ATAD3B: variants seen among roughly 807,000 people sequenced by gnomAD.
ATAD3B encodes ATPase family AAA domain containing 3B.
In ATAD3B, 59 loss-of-function variants were observed where a neutral mutation model predicts 70.2. The observed-to-expected ratio is 0.84, with a 90% CI of 0.68 to 1.04. The LOEUF (loss-of-function observed/expected upper bound fraction) is 1.04. ATAD3B is among the 50% of genes least tolerant of loss of function. The probability of loss-of-function intolerance (pLI) is 0.00; values close to 1 mark genes in which losing one functional copy is unlikely to be tolerated. For synonymous variants in ATAD3B, 423 were observed against 388.6 expected, an observed-to-expected ratio of 1.09 and a Z score of -1.04; for missense variants, 961 against 913.4, an observed-to-expected ratio of 1.05 and a Z score of -0.67.
intron 1 of ATAD3B, 116 bp downstream of exon 1, chr1:1,472,205 G>T (rs1168799037): frequency 2.8e-5 from 39 of 1,396,960 alleles, no homozygotes; most frequent in Non-Finnish European, 3.5e-5. Context: ...GGGCGAGACT[G>T]CGCCCCCGGA....
downstream of ATAD3B, among the ~76,000 whole-genome samples, chr1:1,500,314 A>G (rs1640916020): frequency 6.6e-6 from 1 of 150,728 alleles, no homozygotes; most frequent in South Asian, 2.1e-4. Flanking sequence ...GCACTTTGGG[A>G]GGCCGAGGCG....
chr1:1,480,456 T>A (rs1341128737), intron 4 of ATAD3B, among the ~76,000 whole-genome samples: 2 of 146,852 alleles, frequency 1.4e-5, no homozygotes, highest in African/African-American at 5.1e-5. Context: ...TGTTCCCTGG[T>A]CCTTAGGGAC....
intron 5 of ATAD3B, 138 bp downstream of exon 5, chr1:1,481,074 G>C (rs1639887774): frequency 6.8e-7 from 1 of 1,470,392 alleles, no homozygotes; most frequent in East Asian, 2.5e-5. Context: ...GGGGCTCTGC[G>C]GGGTGGGGCT....
intron 5 of ATAD3B, among the ~76,000 whole-genome samples, chr1:1,481,683 A>AG (rs941512294): frequency 3.5e-5 from 5 of 141,166 alleles, no homozygotes; most frequent in African/African-American, 8.0e-5. Flanking sequence ...TTTCTGTGTG[A>AG]GGGGGGCTTC....
chr1:1,498,544 T>C (rs1007741619), downstream of ATAD3B, among the ~76,000 whole-genome samples: 3 of 151,330 alleles, frequency 2.0e-5, no homozygotes, highest in Non-Finnish European at 4.4e-5. Flanking sequence ...TGGGTGGGGG[T>C]ACAGCTGGGG....
In ATAD3B at chr1:1,478,418, C is replaced by G. The variant is rs1570204545; in HGVS notation, c.283-226C>G. ...GTGGGGTTGGTGTCTGACCTCCCTC[C>G]CCGGGGGCCTTCGCAGGCTTCTCTG... On this transcript the variant is annotated intron_variant, in intron 2 of 15. Coordinates refer to ENST00000673477, the MANE Select transcript of ATAD3B (RefSeq NM_031921.6). The G allele has an allele frequency of 2.6e-6, 4 of 1,509,768 alleles. No homozygotes were observed. The East Asian group carries it at 9.9e-5, about 37-fold the overall frequency. 93.5% of individuals were successfully genotyped at this position (1,509,768 alleles called of 1,614,324 possible).
downstream of ATAD3B, among the ~76,000 whole-genome samples, chr1:1,500,801 A>G (rs1640928980): frequency 2.0e-5 from 3 of 149,304 alleles, no homozygotes; most frequent in South Asian, 6.4e-4. Context: ...AAAATACAAA[A>G]AAAAAATTAG....
At chr1:1,503,783 G>C in the ATAD3B span, 1 of 1,435,916 alleles carries the variant, frequency 7.0e-7, no homozygotes, top group Non-Finnish European at 9.5e-7. Flanking sequence ...GTGGGGTGCA[G>C]GGCCGAGCTT....
intron 7 of ATAD3B, 174 bp downstream of exon 7, chr1:1,482,788 G>A: frequency 3.7e-6 from 4 of 1,085,252 alleles, no homozygotes; most frequent in Non-Finnish European, 5.3e-6. Context: ...CTTGAGCTGG[G>A]AGAAAAAAAT....
rs1240251215 is a variant in ATAD3B, at chr1:1,479,106, C to G, written c.442C>G (p.Gln148Glu). ...GCGCTACGAGGACCAACTGAAGCAG[C>G]AGGTGAGCTCAGCCTCCCCTGCGAG... ...RQRYEDQLKQ[Q>E]QLLNEENLRK... The change falls in exon 4 of 16, where the codon CAG (glutamine) becomes GAG (glutamate). Residue 148 changes from glutamine to glutamate, a missense_variant and splice_region_variant. Physicochemically the swap from Gln to Glu is conservative, Grantham distance 29. This residue lies in a region of ATAD3B where 187 missense variants were observed against 244.3 expected (regional missense o/e 0.77). Coordinates refer to ENST00000673477, the MANE Select transcript of ATAD3B (RefSeq NM_031921.6). 9 of 1,134,394 alleles carry G rather than the reference C, an allele frequency of 7.9e-6. No homozygotes were observed. The South Asian group carries it at 1.4e-4, about 18-fold the overall frequency. The allele number at this position is 1,134,394 out of a possible 1,614,324, so 70.3% of individuals were successfully genotyped here.
chr1:1,498,895 C>G (rs562580013), downstream of ATAD3B, among the ~76,000 whole-genome samples: 1 of 151,650 alleles, frequency 6.6e-6, no homozygotes, highest in African/African-American at 2.4e-5. Context: ...GGAGCAATGG[C>G]GAGCGCCTGG....
In ATAD3B at chr1:1,482,548, G is replaced by A. The variant is rs190770076; in HGVS notation, c.684G>A (p.Thr228=). 7.1e-5 allele frequency: 115 copies of A among 1,613,346 alleles called. 2 individuals are homozygous for A. The highest frequency in any genetic ancestry group is 1.7e-4 in the Middle Eastern group (1 of 6,006). Residue 228 remains threonine (T), a synonymous_variant, in exon 7 of 16, where the codon ACG becomes ACA. Transcript: ENST00000673477. The part of the protein sequence containing the change: ...HRQTVLESIR[T]AGTLFGEGFR... ...CACACCACTGCTTTCCCCGCAGGAC[G>A]GCTGGCACCTTGTTTGGGGAAGGAT...
chr1:1,476,007 C>T (rs1156556981), intron 1 of ATAD3B, among the ~76,000 whole-genome samples: 1 of 148,692 alleles, frequency 6.7e-6, no homozygotes, highest in Non-Finnish European at 1.5e-5. Flanking sequence ...GACTGACACA[C>T]CCTCAGTCCC....
chr1:1,490,649 C>T lies in ATAD3B; in HGVS notation c.1592C>T (p.Ala531Val), dbSNP rs1243868546. The change falls in exon 15 of 16, where the codon GCT (alanine) becomes GTT (valine). Residue 531 changes from alanine (A) to valine (V), a missense_variant. Around this residue, in one of 4 missense-constraint regions of ATAD3B, gnomAD observed 417 missense variants for 335.0 expected, o/e 1.24. Coordinates refer to ENST00000673477, the MANE Select transcript of ATAD3B (RefSeq NM_031921.6). ...GAGGGCATGTCGGGCCGGGAGATCG[C>T]TCAGCTGGCCGTGTCCTGGCAGGTG... ...LTEGMSGREI[A>V]QLAVSWQATA... 2 of 1,598,472 alleles carry T rather than the reference C, an allele frequency of 1.3e-6. No homozygotes were observed. The highest frequency in any genetic ancestry group is 2.3e-5 in the East Asian group (1 of 44,262).
Position 1,485,001 on chromosome 1 carries a change from G to A in ATAD3B, c.751-15G>A, listed in dbSNP as rs1257116381. 1.9e-6 allele frequency: 3 copies of A among 1,599,016 alleles called. No homozygotes were observed. The highest frequency in any genetic ancestry group is 2.6e-6 in the Non-Finnish European group (3 of 1,174,064). ...CGGTGGGGGCCGGTGCGCCAGTGCG[G>A]TGTCTCTGCTGCAGGTGGCTGGGCT... On this transcript the variant is annotated splice_polypyrimidine_tract_variant and intron_variant, in intron 7 of 15. Transcript: ENST00000673477.
In ATAD3B at chr1:1,486,126, G is replaced by C; in HGVS notation, c.980G>C (p.Arg327Pro). 1.2e-6 allele frequency: 2 copies of C among 1,613,178 alleles called. No homozygotes were observed. The highest frequency in any genetic ancestry group is 1.7e-6 in the Non-Finnish European group (2 of 1,179,664). ...GVVLSPSLEA[R>P]VRDIAIATRN... ...CCCCGGCAGCCCAGCCTGGAAGCACGGGTGCGCGACATCGCCATAGCAACC... is the reference window on the plus strand; with the variant it reads ...CCCCGGCAGCCCAGCCTGGAAGCACCGGTGCGCGACATCGCCATAGCAACC... The change falls in exon 10 of 16, where the codon CGG becomes CCG. Residue 327 changes from arginine (R) to proline (P), a missense_variant. Coordinates refer to ENST00000673477, the MANE Select transcript of ATAD3B (RefSeq NM_031921.6).
downstream of ATAD3B, among the ~76,000 whole-genome samples, chr1:1,500,291 G>A (rs1212374554): frequency 2.0e-5 from 3 of 148,960 alleles, no homozygotes; most frequent in Admixed American, 6.7e-5. Flanking sequence ...GGTGGCTCAC[G>A]CCTGTAATCC....
At chr1:1,476,411 A>G (rs1413673385) in intron 1 of ATAD3B, among the ~76,000 whole-genome samples, 2 of 151,578 alleles carry the variant, frequency 1.3e-5, no homozygotes, top group African/African-American at 4.9e-5. Context: ...TGAAGGCTTA[A>G]AAAAGTGAGA....
At chr1:1,480,794 G>A (rs1639870621) in intron 4 of ATAD3B, 73 bp from the exon 5 acceptor site, 6 of 1,585,558 alleles carry the variant, frequency 3.8e-6, no homozygotes, top group East Asian at 4.7e-5. Context: ...TGGGGCGGAC[G>A]CAACCTCTGG....
Sources: gnomAD v4.1 joint callset for allele counts (sites outside exome capture counted in the v4.1 genomes callset) on GRCh38, gnomAD v4.1.1 for gene constraint, gnomAD v4.1.1 regional missense constraint, MANE v1.5 for transcripts, NCBI Gene and HGNC (gene_info 2026-07-23, HGNC 2026-07-21) for gene names.